Variants in VPS13C observed in about 807,000 individuals in gnomAD.
VPS13C encodes the protein vacuolar protein sorting 13 homolog C.
Under a neutral mutation model 456.8 loss-of-function variants are expected in VPS13C, and 358 were observed. The ratio of observed to expected loss-of-function variants is 0.78; its 90% CI spans 0.72 to 0.86. VPS13C has a LOEUF of 0.86. Among genes scored for constraint, VPS13C ranks in the 40% least tolerant of loss-of-function variants. The pLI is 0.00. For synonymous variants in VPS13C, 1,578 were observed against 1,486.7 expected (o/e 1.06, Z -1.41); for missense variants, 4,818 against 4,385.4 (o/e 1.10, Z -2.79).
Position 61,920,332 on chromosome 15 carries a change from C to T in VPS13C, c.7213-1G>A, listed in dbSNP as rs1350710885. On this transcript the variant is annotated splice_acceptor_variant, in intron 56 of 84. Coordinates refer to ENST00000644861, the MANE Select transcript of VPS13C (RefSeq NM_020821.3). LOFTEE classifies it high-confidence loss of function. The stretch of plus-strand genomic sequence containing the variant: ...TAGAAGCAGTGCCCTCTGAAAAACC[C>T]TGAAAAGGAACATATCATCACAGTA... The T allele has an allele frequency of 1.3e-6, 2 of 1,589,798 alleles. No individual in the cohort carries two copies. The highest frequency in any genetic ancestry group is 1.7e-5 in the Admixed American group (1 of 57,876).
chr15:61,861,833 C>T (rs937620963), intron 82 of VPS13C, among the ~76,000 whole-genome samples: 5 of 152,194 alleles, frequency 3.3e-5, no homozygotes, highest in African/African-American at 1.2e-4. Context: ...GGTGCTGTGA[C>T]TCATGCCTGT....
chr15:61,915,633 C>T lies in VPS13C; in HGVS notation c.8445G>A (p.Lys2815=), dbSNP rs1479448672. 1 of 1,582,646 alleles carries T rather than the reference C, an allele frequency of 6.3e-7. No individual in the cohort carries two copies. Among genetic ancestry groups the T allele is most frequent in the Non-Finnish European group, 8.6e-7 (1 of 1,168,598 alleles). Residue 2815 remains lysine (K), a splice_region_variant and synonymous_variant, in exon 61 of 85, where the codon AAG becomes AAA. Coordinates refer to ENST00000644861, the MANE Select transcript of VPS13C (RefSeq NM_020821.3). Reference sequence around the variant, plus strand: ...ACTTATTATGTGAACAAAACCACACCTTATTTTTAGTAAAAATGTTCTTCT... The same window carrying T: ...ACTTATTATGTGAACAAAACCACACTTTATTTTTAGTAAAAATGTTCTTCT... ...FKKKNIFTKN[K]VQLKISTSAW... is the part of the protein sequence containing the mutation.
At chr15:61,884,069 T>C (rs1374690041) in intron 68 of VPS13C, 59 bp downstream of exon 68, 9 of 1,494,982 alleles carry the variant, frequency 6.0e-6, no homozygotes, top group African/African-American at 1.4e-5. Context: ...CAATTTTACT[T>C]ACTACCACCA....
intron 4 of VPS13C, 37 bp from the exon 5 acceptor site, chr15:62,033,579 G>T: frequency 1.4e-6 from 2 of 1,415,468 alleles, no homozygotes; most frequent in East Asian, 2.4e-5. Context: ...AAAATAAATG[G>T]AATTAATAAA....
intron 5 of VPS13C, among the ~76,000 whole-genome samples, chr15:62,030,335 T>A (rs529991104): frequency 2.0e-5 from 3 of 152,204 alleles, no homozygotes; most frequent in African/African-American, 7.2e-5. Flanking sequence ...CAAATGTGAT[T>A]CCCAGTGTTG....
rs1267158449 is a variant in VPS13C at position 62,033,422 on chromosome 15, T to C, written c.385+19A>G. 3.9e-6 allele frequency: 6 copies of C among 1,552,258 alleles called. No homozygotes were observed. Among genetic ancestry groups the C allele is most frequent in the Non-Finnish European group, 3.5e-6 (4 of 1,138,842 alleles). ...TAAAATATAGGTATGTCTAAGTTTA[T>C]CTCAAAAAAACTTTTTACCTTTTTC... On this transcript the variant is annotated intron_variant, in intron 5 of 84. Transcript: ENST00000644861.
At chr15:61,910,525 T>A (rs1160778613) in intron 63 of VPS13C, among the ~76,000 whole-genome samples, 1 of 152,180 alleles carries the variant, frequency 6.6e-6, no homozygotes, top group Non-Finnish European at 1.5e-5. Context: ...TTAGTCTATA[T>A]GTATTTATGG....
Position 61,863,494 on chromosome 15 carries a change from C to CG in VPS13C, c.10897dup (p.Arg3633ProfsTer19). On this transcript the variant is annotated frameshift_variant, in exon 82 of 85. Transcript: ENST00000644861. LOFTEE classifies it high-confidence loss of function. ...GCTTCCAGGAATAGCACAGTGGTAT[C>CG]GGTAAGTCTCTCCTTCCAACTTTTT... 6.2e-7 allele frequency: 1 copy of CG among 1,612,740 alleles called. No individual in the cohort carries two copies.
chr15:61,868,530 A>T, intron 81 of VPS13C, 129 bp downstream of exon 81: 1 of 755,150 alleles, frequency 1.3e-6, no homozygotes, highest in Non-Finnish European at 2.2e-6. Context: ...ATCAAATTCT[A>T]CTCTAGAAAC....
rs757755676 is a variant in VPS13C, at chr15:61,925,452, T to C, written c.6609+4A>G. The C allele has an allele frequency of 7.9e-6, 12 of 1,524,682 alleles. No individual in the cohort carries two copies. Among genetic ancestry groups the C allele is most frequent in the Non-Finnish European group, 8.9e-6 (10 of 1,120,302 alleles). The allele number at this position is 1,524,682 out of a possible 1,614,324, so 94.4% of individuals were successfully genotyped here. The stretch of plus-strand genomic sequence containing the variant: ...TTCACTCAAAGAATATGGTAAGTAC[T>C]AACCTTAATTATAAATTCTTTAACC... On this transcript the variant is annotated splice_donor_region_variant and intron_variant, in intron 53 of 84. Coordinates refer to ENST00000644861, the MANE Select transcript of VPS13C (RefSeq NM_020821.3).
intron 4 of VPS13C, 144 bp downstream of exon 4, chr15:62,034,813 T>C (rs1163683078): frequency 1.4e-5 from 7 of 483,292 alleles, no homozygotes. Context: ...TATATAAAAG[T>C]ATGCATATAA....
At chr15:61,883,163 C>T (rs1023250906) in intron 68 of VPS13C, among the ~76,000 whole-genome samples, 1 of 151,640 alleles carries the variant, frequency 6.6e-6, no homozygotes, top group Non-Finnish European at 1.5e-5. Context: ...GCTGAGACTA[C>T]AGATGTGACA....
At chr15:61,988,420 A>G (rs1380516585) in intron 18 of VPS13C, among the ~76,000 whole-genome samples, 1 of 152,218 alleles carries the variant, frequency 6.6e-6, no homozygotes, top group Admixed American at 6.5e-5. Context: ...TACAGATAAA[A>G]TTATAAAACA....
At chr15:61,985,258 T>G (rs946644167) in intron 18 of VPS13C, among the ~76,000 whole-genome samples, 9 of 152,138 alleles carry the variant, frequency 5.9e-5, no homozygotes, top group African/African-American at 2.2e-4. Flanking sequence ...CTCTTAAGTT[T>G]TATTTTATTT....
Position 61,958,650 on chromosome 15 carries a change from T to C in VPS13C, c.4123A>G (p.Thr1375Ala), listed in dbSNP as rs372846613. 6.3e-7 allele frequency: 1 copy of C among 1,577,816 alleles called. No individual in the cohort carries two copies. Among genetic ancestry groups the C allele is most frequent in the East Asian group, 2.3e-5 (1 of 42,898 alleles). Reference protein sequence around the residue: ...RILTENLCEGTEDLDKVKPRV... With the variant: ...RILTENLCEGAEDLDKVKPRV... ...GGTTTCACTTTATCCAAGTCTTCAGTACCCTCACAGAGATTTTCTGTTAGT... is the reference window on the plus strand; with the variant it reads ...GGTTTCACTTTATCCAAGTCTTCAGCACCCTCACAGAGATTTTCTGTTAGT... Residue 1375 changes from threonine (T) to alanine (A), a missense_variant, in exon 37 of 85, where the codon ACT becomes GCT. By Grantham distance (58) the Thr-to-Ala change is moderately conservative. Around this residue, in one of 3 missense-constraint regions of VPS13C, gnomAD observed 4,552 missense variants for 4,130.6 expected, o/e 1.10. Transcript: ENST00000644861.
At chr15:61,951,081 A>T in intron 39 of VPS13C, 57 bp from the exon 40 acceptor site, 1 of 1,171,234 alleles carries the variant, frequency 8.5e-7, no homozygotes, top group Non-Finnish European at 1.2e-6. Flanking sequence ...CACATTTTAA[A>T]ACAGGACCAG....
At chr15:62,000,337 C>G (rs934602586) in intron 16 of VPS13C, among the ~76,000 whole-genome samples, 1 of 152,208 alleles carries the variant, frequency 6.6e-6, no homozygotes, top group Non-Finnish European at 1.5e-5. Flanking sequence ...TGCATCCCAG[C>G]CCGGGAGACA....
At chr15:61,936,160 T>C (rs1226068040) in intron 48 of VPS13C, among the ~76,000 whole-genome samples, 3 of 152,336 alleles carry the variant, frequency 2.0e-5, no homozygotes, top group East Asian at 1.9e-4. Context: ...TTATCTTATG[T>C]ATTTGAAACA....
intron 1 of VPS13C, among the ~76,000 whole-genome samples, chr15:62,044,773 T>C (rs2048351371): frequency 6.6e-6 from 1 of 152,156 alleles, no homozygotes; most frequent in African/African-American, 2.4e-5. Flanking sequence ...ACTTTTATTA[T>C]ATTCATATGC....
Sources: gnomAD v4.1 joint callset for allele counts (sites outside exome capture counted in the v4.1 genomes callset) on GRCh38, gnomAD v4.1.1 for gene constraint, gnomAD v4.1.1 regional missense constraint, MANE v1.5 for transcripts, NCBI Gene and HGNC (gene_info 2026-07-23, HGNC 2026-07-21) for gene names.